The following CFAP299 variants were observed in gnomAD, a reference collection of about 807,000 sequenced individuals.
CFAP299 encodes cilia- and flagella-associated protein 299.
In CFAP299, 21 loss-of-function variants were observed where a neutral mutation model predicts 27.0. The observed-to-expected ratio is 0.78, with a 90% confidence interval of 0.55 to 1.12. The LOEUF is 1.12. Ranked by LOEUF, CFAP299 falls within the 50% of genes most tolerant of loss-of-function variation. The pLI is 0.00. For synonymous variants in CFAP299, 104 were observed against 98.1 expected (o/e 1.06, Z -0.36); for missense variants, 310 against 276.6 (o/e 1.12, Z -0.86).
At chr4:80,401,582 A>T (rs1316101331) in intron 2 of CFAP299, among the ~76,000 whole-genome samples, 2 of 152,206 alleles carry the variant, frequency 1.3e-5, no homozygotes, top group Non-Finnish European at 2.9e-5. Flanking sequence ...ATTTCAGAAG[A>T]TGTATGAAAA....
chr4:80,579,996 T>C lies in CFAP299; in HGVS notation c.243-3097T>C, dbSNP rs139437117. Among the ~76,000 whole-genome samples the C allele has an allele frequency of 9.8e-3, 1,487 of 152,158 alleles. 20 individuals carry two copies. The highest frequency in any genetic ancestry group is 0.069 in the South Asian group (334 of 4,824). On this transcript the variant is annotated intron_variant, in intron 2 of 5. Transcript: ENST00000358105. ...AGTGGGAGTAGGAAGTAGACATATT[T>C]TGTGGAAACTCTTAGGAATTCTGTA...
intron 2 of CFAP299, among the ~76,000 whole-genome samples, chr4:80,460,920 C>G (rs1012030484): frequency 3.3e-5 from 5 of 152,030 alleles, no homozygotes; most frequent in African/African-American, 1.2e-4. Flanking sequence ...CAATATGTGC[C>G]CAAGGTGGTC....
At chr4:80,851,309 A>G (rs1246594303) in intron 3 of CFAP299, among the ~76,000 whole-genome samples, 1 of 152,154 alleles carries the variant, frequency 6.6e-6, no homozygotes, top group Non-Finnish European at 1.5e-5. Flanking sequence ...TTAAGCATCT[A>G]CTATGAGCTA....
chr4:80,376,412 A>G lies in CFAP299; in HGVS notation c.242+13528A>G, dbSNP rs1408555193. ...TCTTTTTAAGGAAATATGTTTTCAT[A>G]TATCTTAAGTATATATCCAGGAATG... On this transcript the variant is annotated intron_variant, in intron 2 of 5. Transcript: ENST00000358105. Among the ~76,000 whole-genome samples, 4 of 152,200 alleles carry G rather than the reference A, an allele frequency of 2.6e-5. No homozygotes were observed. The South Asian group carries it at 6.2e-4, about 24-fold the overall frequency.
chr4:80,924,538 G>GTGTGTGTATATA (rs5859742), intron 4 of CFAP299, among the ~76,000 whole-genome samples: 2 of 131,670 alleles, frequency 1.5e-5, no homozygotes, highest in African/African-American at 6.3e-5. Context: ...GTGTGTGTGT[G>GTGTGTGTATATA]TATATATATA....
intron 1 of CFAP299, among the ~76,000 whole-genome samples, chr4:80,341,065 C>T (rs1429641051): frequency 1.3e-5 from 2 of 152,170 alleles, no homozygotes; most frequent in African/African-American, 2.4e-5. Context: ...TGTGAGCCAC[C>T]GTGCCTGGCC....
chr4:80,387,270 G>C (rs1008915241), intron 2 of CFAP299: 1 of 1,610,016 alleles, frequency 6.2e-7, no homozygotes, highest in Non-Finnish European at 8.5e-7. Flanking sequence ...AGCTCCTCCT[G>C]GTGGCTCTTG....
At chr4:80,632,457 A>T (rs1050014470) in intron 3 of CFAP299, among the ~76,000 whole-genome samples, 1 of 152,142 alleles carries the variant, frequency 6.6e-6, no homozygotes, top group Admixed American at 6.6e-5. Flanking sequence ...TTTATTCAGC[A>T]TCTATTATAT....
intron 2 of CFAP299, among the ~76,000 whole-genome samples, chr4:80,511,738 A>G (rs934121015): frequency 1.3e-5 from 2 of 152,134 alleles, no homozygotes; most frequent in African/African-American, 2.4e-5. Flanking sequence ...CCCCAGGGCC[A>G]TCATATGACC....
intron 3 of CFAP299, among the ~76,000 whole-genome samples, chr4:80,709,628 A>T (rs1301544630): frequency 6.6e-6 from 1 of 152,182 alleles, no homozygotes; most frequent in Non-Finnish European, 1.5e-5. Flanking sequence ...ATGTAACACG[A>T]ACACCGATCA....
intron 3 of CFAP299, among the ~76,000 whole-genome samples, chr4:80,595,747 A>G (rs1737028091): frequency 6.6e-6 from 1 of 152,226 alleles, no homozygotes; most frequent in Non-Finnish European, 1.5e-5. Context: ...TACCACTTTG[A>G]CATCTGCAAT....
chr4:80,799,071 G>T (rs1265959941), intron 3 of CFAP299, among the ~76,000 whole-genome samples: 3 of 143,076 alleles, frequency 2.1e-5, no homozygotes, highest in African/African-American at 5.2e-5. Flanking sequence ...TTCTGTAAAG[G>T]AACAGAACTA....
At chr4:80,767,563 C>T (rs1426939417) in intron 3 of CFAP299, among the ~76,000 whole-genome samples, 1 of 152,212 alleles carries the variant, frequency 6.6e-6, no homozygotes, top group African/African-American at 2.4e-5. Flanking sequence ...GAGCCGAGAT[C>T]GCCCCACTGC....
At chr4:80,400,499 C>T (rs1001345479) in intron 2 of CFAP299, among the ~76,000 whole-genome samples, 2 of 152,036 alleles carry the variant, frequency 1.3e-5, no homozygotes, top group Non-Finnish European at 2.9e-5. Flanking sequence ...ATAAGTCTCA[C>T]GAGATCTGAT....
At chr4:80,581,041 C>T (rs1316154566) in intron 2 of CFAP299, among the ~76,000 whole-genome samples, 1 of 151,734 alleles carries the variant, frequency 6.6e-6, no homozygotes, top group Non-Finnish European at 1.5e-5. Flanking sequence ...GAGATTTGGG[C>T]CATTGGTTAC....
At chr4:80,629,203 C>T (rs1443791447) in intron 3 of CFAP299, among the ~76,000 whole-genome samples, 3 of 152,022 alleles carry the variant, frequency 2.0e-5, no homozygotes, top group African/African-American at 4.8e-5. Flanking sequence ...GTGAAATAGG[C>T]GGGGCACAGA....
intron 2 of CFAP299, among the ~76,000 whole-genome samples, chr4:80,394,764 G>C (rs974988809): frequency 6.6e-6 from 1 of 152,008 alleles, no homozygotes; most frequent in African/African-American, 2.4e-5. Flanking sequence ...TGGGCTTTCT[G>C]TTCTGGTTCA....
intron 2 of CFAP299, among the ~76,000 whole-genome samples, chr4:80,379,268 T>C (rs1156636002): frequency 6.6e-6 from 1 of 152,072 alleles, no homozygotes; most frequent in Non-Finnish European, 1.5e-5. Flanking sequence ...GTAGAAAGTG[T>C]AGGGATATTC....
At chr4:80,669,145 CTTTCTTTTTTTTTTTTTTT>C (rs1156617991) in intron 3 of CFAP299, among the ~76,000 whole-genome samples, 36 of 16,432 alleles carry the variant, frequency 2.2e-3, no homozygotes, top group Admixed American at 9.4e-3. Flanking sequence ...TTCTTTCTTT[CTTTCTTTTTTTTTTTTTTT>C]TTTTTTTTTT....
Sources: allele counts gnomAD v4.1 joint callset (sites outside exome capture counted in the v4.1 genomes callset), GRCh38; gene constraint gnomAD v4.1.1; transcripts MANE v1.5; gene names NCBI Gene and HGNC (gene_info 2026-07-23, HGNC 2026-07-21).